Variants in EEF2K observed in about 807,000 individuals in gnomAD.
The protein encoded by EEF2K is alternative protein EEF2K.
Under a neutral mutation model 93.8 loss-of-function variants are expected in EEF2K, and 70 were observed. The observed-to-expected ratio is 0.75, with a 90% CI of 0.62 to 0.91. The LOEUF (loss-of-function observed/expected upper bound fraction) is 0.91, where lower values mean the gene tolerates loss of function less well. Ranked by LOEUF, EEF2K falls within the 40% of genes least tolerant of loss-of-function variation. EEF2K has a pLI of 0.00. For synonymous variants in EEF2K, 376 were observed against 380.8 expected (o/e 0.99, Z 0.15); for missense variants, 935 against 972.9 (o/e 0.96, Z 0.52).
At chr16:22,267,968 T>C (rs2047541408) in intron 15 of EEF2K, among the ~76,000 whole-genome samples, 1 of 152,052 alleles carries the variant, frequency 6.6e-6, no homozygotes, top group Non-Finnish European at 1.5e-5. Flanking sequence ...ATCCTCCCCA[T>C]CACGTGGGCC....
In EEF2K at chr16:22,263,155, G is replaced by T. The variant is rs140413530; in HGVS notation, c.1345G>T (p.Gly449Cys). Residue 449 changes from glycine to cysteine, a missense_variant, in exon 12 of 18, where the codon GGT (glycine) becomes TGT (cysteine). Gly to Cys is a radical substitution (Grantham distance 159). Transcript: ENST00000263026. ...CAGCGGATACCCCAGTGAGAAGCGG[G>T]GTGAGCTGGATGACCCTGAGCCCCG... ...GDSGYPSEKR[G>C]ELDDPEPREH... 2 of 1,612,830 alleles carry T rather than the reference G, an allele frequency of 1.2e-6. No homozygotes were observed. The highest frequency in any genetic ancestry group is 2.2e-5 in the South Asian group (2 of 90,876).
chr16:22,286,918 A>G lies in EEF2K; in HGVS notation c.*2922A>G, dbSNP rs1286431130. ...CCGCAATTCTACTCCCCACCCACCC[A>G]TGTGACCTTAATGTCAGTTGCTGGT... On this transcript the variant is annotated 3_prime_UTR_variant, in exon 18 of 18. Transcript: ENST00000263026. 2 of 152,262 alleles carry G rather than the reference A, an allele frequency of 1.3e-5. No individual in the cohort carries two copies. Among genetic ancestry groups the G allele is most frequent in the Non-Finnish European group, 2.9e-5 (2 of 68,090 alleles). 9.4% of individuals were successfully genotyped at this position (152,262 alleles called of 1,614,324 possible). A position where few individuals can be genotyped will look rare whatever the true frequency, so the allele number is the denominator to read the frequency against.
intron 11 of EEF2K, 78 bp downstream of exon 11, chr16:22,260,607 T>G: frequency 1.9e-6 from 3 of 1,580,352 alleles, no homozygotes; most frequent in Non-Finnish European, 2.6e-6. Flanking sequence ...GAGTGAATCT[T>G]CAGCTTCGGA....
intron 1 of EEF2K, among the ~76,000 whole-genome samples, chr16:22,224,715 G>C (rs908044761): frequency 1.3e-5 from 2 of 152,036 alleles, no homozygotes; most frequent in East Asian, 3.8e-4. Context: ...CACTTTGGGA[G>C]GCCCAGGCAG....
chr16:22,227,877 G>A (rs1025790421), intron 2 of EEF2K, among the ~76,000 whole-genome samples: 5 of 151,038 alleles, frequency 3.3e-5, no homozygotes, highest in South Asian at 2.1e-4. Flanking sequence ...TGGTAGGATC[G>A]CTTTAGGCCA....
intron 1 of EEF2K, among the ~76,000 whole-genome samples, chr16:22,218,085 A>C (rs919801429): frequency 1.3e-5 from 2 of 152,188 alleles, no homozygotes; most frequent in African/African-American, 4.8e-5. Flanking sequence ...GGTTTGCTGC[A>C]ATGGGCTAGA....
At chr16:22,218,695 G>C (rs2046982958) in intron 1 of EEF2K, among the ~76,000 whole-genome samples, 1 of 152,166 alleles carries the variant, frequency 6.6e-6, no homozygotes, top group Non-Finnish European at 1.5e-5. Context: ...CTTTATAATA[G>C]CTGTTGAGTT....
chr16:22,216,595 A>C (rs891504032), intron 1 of EEF2K, among the ~76,000 whole-genome samples: 1 of 152,178 alleles, frequency 6.6e-6, no homozygotes, highest in African/African-American at 2.4e-5. Context: ...TTGGCATGGT[A>C]TGTAAAGGAA....
intron 11 of EEF2K, among the ~76,000 whole-genome samples, chr16:22,261,961 C>T (rs189388269): frequency 1.0e-4 from 15 of 150,744 alleles, no homozygotes; most frequent in East Asian, 5.9e-4. Flanking sequence ...GCTGAGATCA[C>T]GCCACTGCAC....
intron 15 of EEF2K, among the ~76,000 whole-genome samples, chr16:22,271,268 C>A (rs2047579139): frequency 6.6e-6 from 1 of 152,016 alleles, no homozygotes; most frequent in Admixed American, 6.6e-5. Context: ...CCACACCCGG[C>A]CTTTCTCTGG....
intron 12 of EEF2K, 33 bp downstream of exon 12, chr16:22,263,220 A>C: frequency 6.3e-7 from 1 of 1,588,272 alleles, no homozygotes; most frequent in Non-Finnish European, 8.6e-7. Context: ...GACCGGTGTC[A>C]CCTGTTGCCT....
chr16:22,257,688 G>T lies in EEF2K; in HGVS notation c.947G>T (p.Arg316Leu), dbSNP rs200860088. The change falls in exon 9 of 18, where the codon CGG becomes CTG. Residue 316 changes from arginine to leucine, a missense_variant. Coordinates refer to ENST00000263026, the MANE Select transcript of EEF2K (RefSeq NM_013302.5). ...ALFFYSHACN[R>L]ICESMGLAPF... The stretch of plus-strand genomic sequence containing the variant: ...TTCTTCTACTCTCATGCCTGCAACC[G>T]GATTTGCGAGAGCATGGGCCTTGCT... The T allele has an allele frequency of 4.6e-5, 74 of 1,613,816 alleles. No individual in the cohort carries two copies. The highest frequency in any genetic ancestry group is 6.2e-5 in the Non-Finnish European group (73 of 1,180,044).
intron 2 of EEF2K, among the ~76,000 whole-genome samples, chr16:22,242,964 TG>T (rs1415891979): frequency 6.6e-6 from 1 of 151,826 alleles, no homozygotes; most frequent in African/African-American, 2.4e-5. Context: ...TGGCTCAGCC[TG>T]GGGTCCTAGC....
At chr16:22,244,982 C>CAA (rs1178784000) in intron 3 of EEF2K, among the ~76,000 whole-genome samples, 2 of 152,068 alleles carry the variant, frequency 1.3e-5, no homozygotes, top group Non-Finnish European at 2.9e-5. Context: ...AGATCTCTGG[C>CAA]CGGGTGAGGT....
intron 6 of EEF2K, 67 bp from the exon 7 acceptor site, chr16:22,256,681 C>T (rs2047402958): frequency 6.5e-7 from 1 of 1,549,010 alleles, no homozygotes; most frequent in Non-Finnish European, 8.7e-7. Context: ...CTGAGCCCTC[C>T]CCTTGCCGCT....
At chr16:22,282,430 T>G (rs993147625) in intron 17 of EEF2K, among the ~76,000 whole-genome samples, 1 of 152,198 alleles carries the variant, frequency 6.6e-6, no homozygotes, top group African/African-American at 2.4e-5. Context: ...TGACCTCATT[T>G]AAGCTTTATC....
intron 2 of EEF2K, among the ~76,000 whole-genome samples, chr16:22,241,871 G>A (rs920179528): frequency 1.3e-5 from 2 of 152,042 alleles, no homozygotes; most frequent in African/African-American, 2.4e-5. Flanking sequence ...GCTCATCTCT[G>A]TAATCCTAGT....
At chr16:22,210,547 T>G (rs1050935776) in intron 1 of EEF2K, among the ~76,000 whole-genome samples, 8 of 152,230 alleles carry the variant, frequency 5.3e-5, no homozygotes, top group African/African-American at 1.9e-4. Context: ...AAGCGCTGGT[T>G]AAGGAAGTGA....
At chr16:22,217,972 A>G (rs1451286481) in intron 1 of EEF2K, among the ~76,000 whole-genome samples, 1 of 152,076 alleles carries the variant, frequency 6.6e-6, no homozygotes, top group African/African-American at 2.4e-5. Flanking sequence ...GCCCTCCACC[A>G]CGTATCAGCT....
Sources: gnomAD v4.1 joint callset for allele counts (sites outside exome capture counted in the v4.1 genomes callset) on GRCh38, gnomAD v4.1.1 for gene constraint, MANE v1.5 for transcripts, NCBI Gene and HGNC (gene_info 2026-07-23, HGNC 2026-07-21) for gene names.